Variants in VPS54 observed in about 807,000 individuals in gnomAD.
VPS54 encodes vacuolar protein sorting-associated protein 54.
A neutral mutation model predicts 121.5 loss-of-function variants in VPS54; 45 were observed. That is an observed-to-expected ratio of 0.37 (90% CI 0.29 to 0.47). The LOEUF is 0.47. Ranked by LOEUF, VPS54 falls within the 20% of genes least tolerant of loss-of-function variation. The pLI, the probability that VPS54 is intolerant of heterozygous loss-of-function variation, is 0.99. For missense variants in VPS54, 1,090 were observed against 1,131.4 expected (o/e 0.96, Z 0.52); for synonymous variants, 371 against 385.8 (o/e 0.96, Z 0.45).
intron 7 of VPS54, among the ~76,000 whole-genome samples, chr2:63,956,963 C>G (rs1281388322): frequency 6.6e-6 from 1 of 152,130 alleles, no homozygotes; most frequent in African/African-American, 2.4e-5. Context: ...TGCAAGATAT[C>G]AACATTCGAA....
At chr2:63,956,459 A>G (rs1452052488) in intron 7 of VPS54, among the ~76,000 whole-genome samples, 3 of 152,200 alleles carry the variant, frequency 2.0e-5, no homozygotes, top group Admixed American at 2.0e-4. Flanking sequence ...AAATCCATTA[A>G]TATGGTAGTT....
At chr2:63,936,948 G>T (rs1674482542) in intron 11 of VPS54, among the ~76,000 whole-genome samples, 1 of 152,172 alleles carries the variant, frequency 6.6e-6, no homozygotes, top group East Asian at 1.9e-4. Context: ...ATATCCACAT[G>T]CTAAAGAATG....
At chr2:63,951,192 C>T (rs1243370195) in intron 7 of VPS54, among the ~76,000 whole-genome samples, 1 of 144,812 alleles carries the variant, frequency 6.9e-6, no homozygotes, top group Admixed American at 7.0e-5. Flanking sequence ...GGAGTGAGGA[C>T]TTCACAAATT....
In VPS54 at chr2:63,972,214, T is replaced by C. The variant is rs1401345149; in HGVS notation, c.409A>G (p.Ile137Val). ...TCGAAGGTATCTTTAGGAGGACAAA[T>C]ATTCTTGCATCTCTCATGAATCTTC... ...REKIHERCKNICPPKDTFERT... is the reference protein window; with the variant it reads ...REKIHERCKNVCPPKDTFERT... The change falls in exon 4 of 23, where the codon ATT (isoleucine) becomes GTT (valine). Residue 137 changes from isoleucine (I) to valine (V), a missense_variant. Coordinates refer to ENST00000272322, the MANE Select transcript of VPS54 (RefSeq NM_016516.3). The C allele has an allele frequency of 1.9e-6, 3 of 1,596,052 alleles. No individual in the cohort carries two copies. Among genetic ancestry groups the C allele is most frequent in the Non-Finnish European group, 8.6e-7 (1 of 1,167,720 alleles).
chr2:63,981,779 A>C lies in VPS54; in HGVS notation c.245T>G (p.Leu82Ter). The C allele has an allele frequency of 6.2e-7, 1 of 1,613,774 alleles. No individual in the cohort carries two copies. ...NLPAALNDPR[L>*]AKRESDFFTK... ...GAAGAAGTCAGATTCTCTTTTTGCT[A>C]ATCTAGGATCGTTTAATGCTGCTGG... Residue 82 changes from leucine (L) to a stop codon, truncating the protein, a stop_gained, in exon 3 of 23, where the codon TTA (leucine) becomes TGA (stop). Coordinates refer to ENST00000272322, the MANE Select transcript of VPS54 (RefSeq NM_016516.3). LOFTEE classifies it high-confidence loss of function.
chr2:63,994,502 C>G (rs192144635), intron 1 of VPS54, among the ~76,000 whole-genome samples: 2 of 152,100 alleles, frequency 1.3e-5, no homozygotes, highest in Non-Finnish European at 2.9e-5. Context: ...ACCGTTGCCC[C>G]GCTCAATCAG....
chr2:63,930,141 G>T (rs986630930), intron 12 of VPS54, among the ~76,000 whole-genome samples: 2 of 152,050 alleles, frequency 1.3e-5, no homozygotes, highest in Non-Finnish European at 2.9e-5. Context: ...GAAAAAGAGG[G>T]AATCCACCCT....
At position 63,945,174 on chromosome 2, in the gene VPS54, G is replaced by A. The variant is rs541768104; in HGVS notation, c.1246-519C>T. ...CAATGATAGACTGGATAAAGAAAAT[G>A]TGGTACACGTACACCATGGAATACT... On this transcript the variant is annotated intron_variant, in intron 9 of 22. Coordinates refer to ENST00000272322, the MANE Select transcript of VPS54 (RefSeq NM_016516.3). Among the ~76,000 whole-genome samples, 83 of 152,288 alleles carry A rather than the reference G, an allele frequency of 5.5e-4. 1 individual carries two copies. Among genetic ancestry groups the A allele is most frequent in the African/African-American group, 1.9e-3 (77 of 41,564 alleles).
intron 11 of VPS54, among the ~76,000 whole-genome samples, chr2:63,935,746 A>T (rs1559004267): frequency 6.6e-6 from 1 of 152,156 alleles, no homozygotes; most frequent in Non-Finnish European, 1.5e-5. Flanking sequence ...TAAACTAATA[A>T]TCAGTGCACA....
chr2:63,920,476 C>A lies in VPS54; in HGVS notation c.2021G>T (p.Arg674Met). ...CTTGGTTTTTCTCTCTTCATGAAAC[C>A]TATTTACAAACTTAATAGCTTGGCT... ...LQSQAIKFVN[R>M]FHEERKTKLS... The change falls in exon 14 of 23, where the codon AGG becomes ATG. Residue 674 changes from arginine (R) to methionine (M), a missense_variant. Transcript: ENST00000272322. The A allele has an allele frequency of 6.4e-7, 1 of 1,559,626 alleles. No homozygotes were observed. The highest frequency in any genetic ancestry group is 8.7e-7 in the Non-Finnish European group (1 of 1,154,856).
At chr2:63,954,104 T>C (rs975021895) in intron 7 of VPS54, among the ~76,000 whole-genome samples, 1 of 152,146 alleles carries the variant, frequency 6.6e-6, no homozygotes, top group African/African-American at 2.4e-5. Context: ...CCCATATGGA[T>C]TTCTAAATAC....
intron 1 of VPS54, among the ~76,000 whole-genome samples, chr2:64,016,293 TACA>T (rs1042717515): frequency 2.6e-5 from 4 of 152,230 alleles, no homozygotes; most frequent in African/African-American, 7.2e-5. Context: ...ATCAGTTATT[TACA>T]ACATCACTTT....
At chr2:63,913,986 T>A in intron 17 of VPS54, 196 bp downstream of exon 17, 1 of 1,266,774 alleles carries the variant, frequency 7.9e-7, no homozygotes, top group Non-Finnish European at 1.0e-6. Context: ...TGAATGAGGA[T>A]CACTAACTGT....
At chr2:63,914,399 T>C (rs1673286564) in intron 16 of VPS54, 112 bp from the exon 17 acceptor site, 1 of 716,446 alleles carries the variant, frequency 1.4e-6, no homozygotes, top group Non-Finnish European at 2.4e-6. Context: ...GAGAATATAA[T>C]GACCTTGGTA....
intron 12 of VPS54, among the ~76,000 whole-genome samples, chr2:63,925,529 T>C (rs1673857026): frequency 6.6e-6 from 1 of 152,238 alleles, no homozygotes; most frequent in Non-Finnish European, 1.5e-5. Context: ...CAGCAATGCT[T>C]GTAACATGTG....
chr2:63,904,029 T>TA (rs1164136216), intron 20 of VPS54, among the ~76,000 whole-genome samples: 1 of 152,102 alleles, frequency 6.6e-6, no homozygotes, highest in East Asian at 1.9e-4. Flanking sequence ...ATAGATATGT[T>TA]AAAAACACAA....
chr2:63,943,763 T>C (rs1674849005), intron 10 of VPS54, among the ~76,000 whole-genome samples: 1 of 150,686 alleles, frequency 6.6e-6, no homozygotes, highest in Non-Finnish European at 1.5e-5. Flanking sequence ...CTTACTTCCT[T>C]GTGCAGGCTG....
chr2:63,995,353 T>C (rs1163250546), intron 1 of VPS54, among the ~76,000 whole-genome samples: 1 of 152,270 alleles, frequency 6.6e-6, no homozygotes, highest in Admixed American at 6.5e-5. Flanking sequence ...AGGAAAAGTA[T>C]AATGTTGGTT....
chr2:64,015,958 T>C (rs1678665321), intron 1 of VPS54, among the ~76,000 whole-genome samples: 1 of 152,140 alleles, frequency 6.6e-6, no homozygotes, highest in African/African-American at 2.4e-5. Context: ...GTCAAATACA[T>C]ACATATATAC....
Sources: allele counts gnomAD v4.1 joint callset (sites outside exome capture counted in the v4.1 genomes callset), GRCh38; gene constraint gnomAD v4.1.1; transcripts MANE v1.5; gene names NCBI Gene and HGNC (gene_info 2026-07-23, HGNC 2026-07-21).